EPHA6: variants seen among roughly 807,000 people sequenced by gnomAD.
The protein encoded by EPHA6 is ephrin type-A receptor 6.
A neutral mutation model predicts 112.0 loss-of-function variants in EPHA6; 50 were observed. The observed-to-expected ratio is 0.45, with a 90% CI of 0.36 to 0.56. EPHA6 has a LOEUF of 0.56. Ranked by LOEUF, EPHA6 falls within the 20% of genes least tolerant of loss-of-function variation. The probability of loss-of-function intolerance (pLI) is 0.00; values close to 1 mark genes in which losing one functional copy is unlikely to be tolerated. For missense variants in EPHA6, 1,280 were observed against 1,417.4 expected (o/e 0.90, Z 1.56); for synonymous variants, 529 against 490.7 (o/e 1.08, Z -1.03).
chr3:97,616,228 A>G (rs1188312399), intron 13 of EPHA6, among the ~76,000 whole-genome samples: 1 of 152,200 alleles, frequency 6.6e-6, no homozygotes, highest in Non-Finnish European at 1.5e-5. Context: ...GCAGCCCTAT[A>G]GAAAAGTGGC....
chr3:96,906,610 C>G (rs1308778869), intron 2 of EPHA6, among the ~76,000 whole-genome samples: 1 of 152,054 alleles, frequency 6.6e-6, no homozygotes, highest in Admixed American at 6.6e-5. Flanking sequence ...GTCTCTGCAC[C>G]TTTGTCCACA....
intron 4 of EPHA6, among the ~76,000 whole-genome samples, chr3:97,242,137 C>A (rs1399684214): frequency 6.6e-6 from 1 of 151,646 alleles, no homozygotes; most frequent in Admixed American, 6.6e-5. Context: ...AAAAATGATT[C>A]ATTGCATTTC....
At chr3:97,691,588 G>A (rs2032669215) in intron 14 of EPHA6, among the ~76,000 whole-genome samples, 1 of 152,032 alleles carries the variant, frequency 6.6e-6, no homozygotes, top group Admixed American at 6.6e-5. Flanking sequence ...AAATATACAT[G>A]TATTTGCATA....
At chr3:97,648,428 G>A in intron 14 of EPHA6, 1 of 1,405,166 alleles carries the variant, frequency 7.1e-7, no homozygotes, top group South Asian at 1.8e-5. Context: ...ATGAGGGGAA[G>A]GTATTTAATG....
chr3:97,253,245 G>A (rs1227379771), intron 5 of EPHA6, among the ~76,000 whole-genome samples: 1 of 152,172 alleles, frequency 6.6e-6, no homozygotes, highest in Non-Finnish European at 1.5e-5. Context: ...GGCGGTGAAT[G>A]TTGACATTTT....
chr3:96,936,739 CCTAATGCT>C (rs1312903306), intron 2 of EPHA6, among the ~76,000 whole-genome samples: 1 of 152,140 alleles, frequency 6.6e-6, no homozygotes, highest in East Asian at 1.9e-4. Flanking sequence ...AGGTATATCT[CCTAATGCT>C]ATCCCTCACC....
intron 3 of EPHA6, among the ~76,000 whole-genome samples, chr3:97,171,983 C>G (rs549361986): frequency 3.3e-5 from 5 of 152,170 alleles, no homozygotes; most frequent in African/African-American, 1.2e-4. Flanking sequence ...TTGCTCAATT[C>G]AATACTGAGG....
chr3:97,004,387 A>G (rs1034794820), intron 3 of EPHA6, among the ~76,000 whole-genome samples: 14 of 152,252 alleles, frequency 9.2e-5, no homozygotes, highest in African/African-American at 3.4e-4. Context: ...CATTTCTCTG[A>G]TAATCAATGC....
chr3:96,870,304 G>A (rs2036562265), intron 2 of EPHA6, among the ~76,000 whole-genome samples: 1 of 152,014 alleles, frequency 6.6e-6, no homozygotes, highest in Non-Finnish European at 1.5e-5. Context: ...ACTGACATCA[G>A]TTCCCAAGTC....
At chr3:97,513,054 A>G (rs896641303) in intron 10 of EPHA6, among the ~76,000 whole-genome samples, 1 of 152,170 alleles carries the variant, frequency 6.6e-6, no homozygotes, top group African/African-American at 2.4e-5. Context: ...ATGAGGACAT[A>G]TTTCCAATCA....
intron 5 of EPHA6, among the ~76,000 whole-genome samples, chr3:97,395,880 G>C (rs1274345749): frequency 6.6e-6 from 1 of 151,648 alleles, no homozygotes; most frequent in African/African-American, 2.4e-5. Flanking sequence ...AAAGAAAAGA[G>C]GATGATAGAT....
At chr3:97,601,406 G>T (rs183632243) in intron 12 of EPHA6, among the ~76,000 whole-genome samples, 261 of 152,226 alleles carry the variant, frequency 1.7e-3, no homozygotes, top group African/African-American at 6.0e-3. Context: ...AGAGAGCCAT[G>T]TTGAGCCGCA....
chr3:96,951,725 A>T (rs377129492), intron 2 of EPHA6, among the ~76,000 whole-genome samples: 1 of 152,174 alleles, frequency 6.6e-6, no homozygotes, highest in African/African-American at 2.4e-5. Context: ...GAGGCTGTGG[A>T]TTAAATCATA....
Position 96,829,466 on chromosome 3 carries a change from C to A in EPHA6, c.385+14458C>A, listed in dbSNP as rs143698563. Among the ~76,000 whole-genome samples the A allele has an allele frequency of 9.4e-4, 143 of 152,156 alleles. 1 individual carries two copies. Among genetic ancestry groups the A allele is most frequent in the African/African-American group, 3.2e-3 (132 of 41,532 alleles). ...GTGCTCTCCCTCACTACAGGATGCT[C>A]CTTTTCCAATAAGATTGTATAGAAA... On this transcript the variant is annotated intron_variant, in intron 1 of 17. Transcript: ENST00000389672.
At chr3:96,920,748 C>G (rs1251679999) in intron 2 of EPHA6, among the ~76,000 whole-genome samples, 1 of 151,662 alleles carries the variant, frequency 6.6e-6, no homozygotes, top group Non-Finnish European at 1.5e-5. Flanking sequence ...AGAGAATTCC[C>G]CCACTTATTT....
intron 5 of EPHA6, among the ~76,000 whole-genome samples, chr3:97,357,771 T>C (rs914057476): frequency 6.6e-6 from 1 of 152,190 alleles, no homozygotes; most frequent in Non-Finnish European, 1.5e-5. Flanking sequence ...CTATATTGTA[T>C]GTATTGTATA....
intron 1 of EPHA6, among the ~76,000 whole-genome samples, chr3:96,861,545 A>C (rs2107430270): frequency 6.6e-6 from 1 of 152,154 alleles, no homozygotes; most frequent in South Asian, 2.1e-4. Flanking sequence ...TGAAAGGTGT[A>C]ATTTCAAAAG....
intron 5 of EPHA6, among the ~76,000 whole-genome samples, chr3:97,399,975 G>C (rs1408118131): frequency 1.3e-5 from 2 of 151,116 alleles, no homozygotes; most frequent in African/African-American, 4.8e-5. Flanking sequence ...TTTTGTTTTT[G>C]GTACCTATGC....
At chr3:97,324,535 C>CTCTT (rs1553746488) in intron 5 of EPHA6, among the ~76,000 whole-genome samples, 34 of 137,534 alleles carry the variant, frequency 2.5e-4, no homozygotes, top group African/African-American at 9.1e-4. Flanking sequence ...CTTTCTTTCT[C>CTCTT]TCTTTCTCTC....
Sources: gnomAD v4.1 joint callset for allele counts (sites outside exome capture counted in the v4.1 genomes callset) on GRCh38, gnomAD v4.1.1 for gene constraint, MANE v1.5 for transcripts, NCBI Gene and HGNC (gene_info 2026-07-23, HGNC 2026-07-21) for gene names.